The following DLGAP2 variants were observed in gnomAD, a reference collection of about 807,000 sequenced individuals.
DLGAP2 encodes the protein DLG associated protein 2.
Under a neutral mutation model 100.3 loss-of-function variants are expected in DLGAP2, and 26 were observed. That is an observed-to-expected ratio of 0.26 (90% confidence interval 0.19 to 0.36). DLGAP2 has a LOEUF of 0.36. Among genes scored for constraint, DLGAP2 ranks in the 10% least tolerant of loss-of-function variants. DLGAP2 has a pLI of 1.00. For missense variants in DLGAP2, 1,858 were observed against 1,453.2 expected (o/e 1.28, Z -4.53); for synonymous variants, 886 against 630.1 (o/e 1.41, Z -6.08).
intron 3 of DLGAP2, among the ~76,000 whole-genome samples, chr8:1,356,798 G>T (rs972059439): frequency 6.6e-6 from 1 of 152,236 alleles, no homozygotes; most frequent in African/African-American, 2.4e-5. Context: ...AGTGAATGAG[G>T]TGAGTATAAG....
rs544949785 is a variant in DLGAP2 at position 1,190,571 on chromosome 8, C to G, written c.74-68280C>G. On this transcript the variant is annotated intron_variant, in intron 2 of 14. Coordinates refer to ENST00000637795, the MANE Select transcript of DLGAP2 (RefSeq NM_001346810.2). The stretch of plus-strand genomic sequence containing the variant: ...TCCTTGCTTCTCATCTCACAGGGCA[C>G]TGCGAGCCGCCTGTCGCAATCAGCA... Among the ~76,000 whole-genome samples the G allele has an allele frequency of 2.6e-5, 4 of 152,288 alleles. No homozygotes were observed. In the East Asian group the frequency reaches 7.7e-4, roughly 30 times the overall value.
intron 1 of DLGAP2, among the ~76,000 whole-genome samples, chr8:861,832 C>T (rs1157339977): frequency 6.6e-6 from 1 of 152,194 alleles, no homozygotes. Flanking sequence ...GGGTGTTCTG[C>T]TGTTTTTGCC....
Position 1,626,742 on chromosome 8 carries a change from A to G in DLGAP2, c.1445A>G (p.Gln482Arg), listed in dbSNP as rs778020968. The change falls in exon 7 of 15, where the codon CAG (glutamine) becomes CGG (arginine). Residue 482 changes from glutamine to arginine, a missense_variant and splice_region_variant. Physicochemically the swap from Gln to Arg is conservative, Grantham distance 43. Coordinates refer to ENST00000637795, the MANE Select transcript of DLGAP2 (RefSeq NM_001346810.2). ...TTCTCCTTTCTTCTTTCCTGTAGCCAGACCTACCTGCAAGCTGCAAGCGAT... is the reference window on the plus strand; with the variant it reads ...TTCTCCTTTCTTCTTTCCTGTAGCCGGACCTACCTGCAAGCTGCAAGCGAT... ...GQRPLGEHQT[Q>R]TYLQAASDVP... The G allele has an allele frequency of 6.9e-6, 11 of 1,599,326 alleles. No individual in the cohort carries two copies. The highest frequency in any genetic ancestry group is 9.4e-6 in the Non-Finnish European group (11 of 1,173,296).
At chr8:906,162 G>C (rs148084359) in intron 1 of DLGAP2, among the ~76,000 whole-genome samples, 2 of 152,336 alleles carry the variant, frequency 1.3e-5, no homozygotes, top group Non-Finnish European at 2.9e-5. Flanking sequence ...TTTCAGCCGG[G>C]AGGAGACCGT....
rs1269429807 is a variant in DLGAP2, at chr8:1,090,528, A to G, written c.74-168323A>G. Among the ~76,000 whole-genome samples the G allele has an allele frequency of 8.5e-5, 13 of 152,250 alleles. No homozygotes were observed. The East Asian group carries it at 2.5e-3, about 29-fold the overall frequency. On this transcript the variant is annotated intron_variant, in intron 2 of 14. Transcript: ENST00000637795. ...CACAGATGCCTGAGGCAGTCCAGAA[A>G]TTCAGGGCCTGAGTGGGAGGTTTGA...
intron 2 of DLGAP2, among the ~76,000 whole-genome samples, chr8:954,197 T>G (rs1429426315): frequency 2.6e-5 from 4 of 152,174 alleles, no homozygotes; most frequent in Non-Finnish European, 5.9e-5. Context: ...AGTTACCAGT[T>G]TTTTGTGTAG....
intron 3 of DLGAP2, among the ~76,000 whole-genome samples, chr8:1,299,695 A>T (rs1035564720): frequency 6.6e-6 from 1 of 152,208 alleles, no homozygotes; most frequent in Non-Finnish European, 1.5e-5. Flanking sequence ...TTATTTTTTT[A>T]AAGTACTGTG....
chr8:1,636,753 G>C (rs898627254), intron 8 of DLGAP2, among the ~76,000 whole-genome samples: 1 of 152,194 alleles, frequency 6.6e-6, no homozygotes, highest in African/African-American at 2.4e-5. Context: ...GTACCGTCGA[G>C]TTACTGTGTA....
intron 1 of DLGAP2, among the ~76,000 whole-genome samples, chr8:767,659 G>A (rs377524810): frequency 5.0e-4 from 76 of 152,284 alleles, no homozygotes; most frequent in African/African-American, 1.7e-3. Flanking sequence ...CAGGACGGCT[G>A]TTTAATTGTT....
chr8:1,500,399 G>A (rs545227050), intron 3 of DLGAP2, among the ~76,000 whole-genome samples: 3 of 151,626 alleles, frequency 2.0e-5, no homozygotes, highest in African/African-American at 7.3e-5. Flanking sequence ...ATCCAGCTGT[G>A]TCTGCACTGC....
chr8:1,160,529 C>T (rs1056731689), intron 2 of DLGAP2, among the ~76,000 whole-genome samples: 1 of 152,172 alleles, frequency 6.6e-6, no homozygotes, highest in Non-Finnish European at 1.5e-5. Context: ...ACGTGGTCCA[C>T]GTGTTTTTGC....
intron 3 of DLGAP2, among the ~76,000 whole-genome samples, chr8:1,344,443 TA>T (rs1801509542): frequency 6.6e-6 from 1 of 152,148 alleles, no homozygotes; most frequent in Non-Finnish European, 1.5e-5. Context: ...GCCATGTGGG[TA>T]AAAGTCGGGA....
At chr8:949,169 G>A (rs773667096) in intron 2 of DLGAP2, among the ~76,000 whole-genome samples, 1 of 152,244 alleles carries the variant, frequency 6.6e-6, no homozygotes, top group East Asian at 1.9e-4. Context: ...GGGTGGAAAG[G>A]ACGTGTGGTT....
At chr8:975,246 A>G (rs1045599846) in intron 2 of DLGAP2, among the ~76,000 whole-genome samples, 2 of 152,228 alleles carry the variant, frequency 1.3e-5, no homozygotes, top group Non-Finnish European at 2.9e-5. Context: ...TTAACAAATA[A>G]CTAATAACTT....
intron 8 of DLGAP2, among the ~76,000 whole-genome samples, chr8:1,667,100 C>T (rs1175869782): frequency 6.6e-6 from 1 of 152,212 alleles, no homozygotes; most frequent in Non-Finnish European, 1.5e-5. Context: ...TTGCTTTGCA[C>T]TCTGATGAGG....
At chr8:1,289,538 C>A (rs1224054661) in intron 3 of DLGAP2, among the ~76,000 whole-genome samples, 2 of 152,134 alleles carry the variant, frequency 1.3e-5, no homozygotes, top group Non-Finnish European at 2.9e-5. Flanking sequence ...ATACCTTGCT[C>A]CTTTCGTTCC....
intron 2 of DLGAP2, among the ~76,000 whole-genome samples, chr8:1,150,792 GAAA>G (rs547374984): frequency 2.0e-5 from 3 of 152,022 alleles, no homozygotes; most frequent in South Asian, 4.2e-4. Flanking sequence ...CTTAAAAACT[GAAA>G]AAAAGTGTTA....
At position 1,607,533 on chromosome 8, in the gene DLGAP2, G is replaced by A. The variant is rs1796838402; in HGVS notation, c.1443-19207G>A. Among the ~76,000 whole-genome samples the A allele has an allele frequency of 2.6e-5, 4 of 152,228 alleles. No homozygotes were observed. In the South Asian group the frequency reaches 8.3e-4, roughly 32 times the overall value. ...TTGAGGAAAATAAGATTTTTAGAAA[G>A]ACATCGGGCCTGTGTAAATATATCC... On this transcript the variant is annotated intron_variant, in intron 6 of 14. Coordinates refer to ENST00000637795, the MANE Select transcript of DLGAP2 (RefSeq NM_001346810.2).
At chr8:1,472,337 C>T (rs897364956) in intron 3 of DLGAP2, among the ~76,000 whole-genome samples, 2 of 152,214 alleles carry the variant, frequency 1.3e-5, no homozygotes, top group African/African-American at 4.8e-5. Context: ...GTGCCATCAT[C>T]CCTTCAGGCC....
Sources: gnomAD v4.1 joint callset for allele counts (sites outside exome capture counted in the v4.1 genomes callset) on GRCh38, gnomAD v4.1.1 for gene constraint, MANE v1.5 for transcripts, NCBI Gene and HGNC (gene_info 2026-07-23, HGNC 2026-07-21) for gene names.